Variants in ERC2 observed in about 807,000 individuals in gnomAD.
ERC2 encodes ELKS/RAB6-interacting/CAST family member 2.
A neutral mutation model predicts 114.8 loss-of-function variants in ERC2; 42 were observed. The observed-to-expected ratio is 0.37, with a 90% CI of 0.29 to 0.47. ERC2 has a LOEUF of 0.47. Among genes scored for constraint, ERC2 ranks in the 20% least tolerant of loss-of-function variants. The pLI is 0.99. For synonymous variants in ERC2, 454 were observed against 425.5 expected, an observed-to-expected ratio of 1.07 and a Z score of -0.82; for missense variants, 939 against 1,150.7, an observed-to-expected ratio of 0.82 and a Z score of 2.66.
intron 17 of ERC2, among the ~76,000 whole-genome samples, chr3:55,532,053 C>A (rs1050360519): frequency 9.9e-5 from 15 of 152,222 alleles, no homozygotes; most frequent in African/African-American, 3.6e-4. Context: ...TAGAGCTACA[C>A]AAGATCTTTG....
At chr3:56,023,387 C>G (rs1173694925) in intron 7 of ERC2, among the ~76,000 whole-genome samples, 4 of 152,152 alleles carry the variant, frequency 2.6e-5, no homozygotes, top group Admixed American at 6.5e-5. Flanking sequence ...CAGCCAAGCC[C>G]TGGCCCTGCC....
At chr3:55,858,894 C>G (rs541630085) in intron 14 of ERC2, among the ~76,000 whole-genome samples, 3 of 152,122 alleles carry the variant, frequency 2.0e-5, no homozygotes, top group Non-Finnish European at 2.9e-5. Flanking sequence ...ACCCTGCCAG[C>G]CTTCCCTTAG....
chr3:56,078,730 T>C (rs2077090420), intron 7 of ERC2, among the ~76,000 whole-genome samples: 1 of 152,108 alleles, frequency 6.6e-6, no homozygotes, highest in Non-Finnish European at 1.5e-5. Context: ...TATCCATTCA[T>C]TCAACAAATA....
chr3:55,828,589 TG>T, intron 14 of ERC2, among the ~76,000 whole-genome samples: 1 of 151,988 alleles, frequency 6.6e-6, no homozygotes, highest in East Asian at 1.9e-4. Context: ...AAGTGAATCC[TG>T]GAGGGAAAAG....
chr3:56,197,895 A>G (rs886376686), intron 3 of ERC2, among the ~76,000 whole-genome samples: 2 of 152,242 alleles, frequency 1.3e-5, no homozygotes, highest in African/African-American at 4.8e-5. Context: ...GACATACTCT[A>G]GTTTTGACTT....
chr3:56,451,950 G>A, intron 1 of ERC2, among the ~76,000 whole-genome samples: 1 of 152,186 alleles, frequency 6.6e-6, no homozygotes. Context: ...GGTCTCAGAT[G>A]GAGAGAGTCC....
At chr3:56,010,650 A>T in intron 8 of ERC2, 61 bp from the exon 9 acceptor site, 1 of 1,523,718 alleles carries the variant, frequency 6.6e-7, no homozygotes, top group African/African-American at 1.4e-5. Context: ...GCCAAAGCAT[A>T]CTGTAAAAGA....
intron 14 of ERC2, among the ~76,000 whole-genome samples, chr3:55,853,740 G>A (rs947351807): frequency 3.9e-5 from 6 of 152,040 alleles, no homozygotes; most frequent in Admixed American, 6.6e-5. Context: ...GTATAATGTC[G>A]GCTGCCAGGG....
Position 55,511,208 on chromosome 3 carries a change from C to T in ERC2, c.*108G>A, listed in dbSNP as rs780068464. 1 of 152,562 alleles carries T rather than the reference C, an allele frequency of 6.6e-6. No homozygotes were observed. The allele number at this position is 152,562 out of a possible 1,614,324, so 9.5% of individuals were successfully genotyped here. ...GGTGGTGGTGGACAGTGATGTGAGC[C>T]GCACTGCAATACATTATCAGAATAT... On this transcript the variant is annotated 3_prime_UTR_variant, in exon 18 of 18. Coordinates refer to ENST00000288221, the MANE Select transcript of ERC2 (RefSeq NM_015576.3).
At chr3:56,299,130 TGTTTG>T (rs2055679949) in intron 2 of ERC2, among the ~76,000 whole-genome samples, 9 of 89,030 alleles carry the variant, frequency 1.0e-4, no homozygotes, top group Admixed American at 2.3e-4. Flanking sequence ...TTTTTTTTTT[TGTTTG>T]TTTGTTTTTT....
At chr3:55,956,387 T>A (rs1308101903) in intron 12 of ERC2, among the ~76,000 whole-genome samples, 4 of 152,160 alleles carry the variant, frequency 2.6e-5, no homozygotes, top group African/African-American at 9.7e-5. Context: ...ACAATGCACA[T>A]TGCATGCAGA....
At chr3:55,854,775 G>GAA (rs2061719560) in intron 14 of ERC2, among the ~76,000 whole-genome samples, 1 of 151,814 alleles carries the variant, frequency 6.6e-6, no homozygotes. Context: ...AAACAATTCA[G>GAA]AAACACATTC....
intron 12 of ERC2, among the ~76,000 whole-genome samples, chr3:55,984,291 GA>G (rs113812148): frequency 0.013 from 1,850 of 146,494 alleles, 35 homozygotes; most frequent in African/African-American, 0.043. Flanking sequence ...CATGAAATAG[GA>G]AAAAAAAAAC....
At chr3:56,153,820 G>A (rs191033712) in intron 4 of ERC2, among the ~76,000 whole-genome samples, 20 of 152,210 alleles carry the variant, frequency 1.3e-4, no homozygotes, top group Admixed American at 5.9e-4. Context: ...TTTAAATACC[G>A]TGAGAATTAC....
chr3:56,371,784 A>G (rs2059372066), intron 2 of ERC2, among the ~76,000 whole-genome samples: 1 of 152,252 alleles, frequency 6.6e-6, no homozygotes, highest in African/African-American at 2.4e-5. Context: ...GACCTATGTC[A>G]GGGCATAGCC....
At chr3:55,945,797 G>A (rs939005421) in intron 13 of ERC2, among the ~76,000 whole-genome samples, 1 of 152,126 alleles carries the variant, frequency 6.6e-6, no homozygotes, top group African/African-American at 2.4e-5. Flanking sequence ...ACCACGGGCA[G>A]AGAAGAAACT....
At chr3:56,228,187 G>A (rs891314356) in intron 3 of ERC2, among the ~76,000 whole-genome samples, 1 of 151,950 alleles carries the variant, frequency 6.6e-6, no homozygotes, top group South Asian at 2.1e-4. Context: ...TTTTTTATTC[G>A]TCATTTCTAA....
At chr3:55,712,806 C>T in intron 15 of ERC2, among the ~76,000 whole-genome samples, 1 of 152,128 alleles carries the variant, frequency 6.6e-6, no homozygotes, top group East Asian at 1.9e-4. Context: ...TACAGTTATG[C>T]CCATTATCTA....
intron 6 of ERC2, among the ~76,000 whole-genome samples, chr3:56,125,508 G>A (rs893165161): frequency 1.2e-4 from 18 of 152,120 alleles, no homozygotes; most frequent in African/African-American, 4.3e-4. Context: ...TAAATGGAGT[G>A]AGTCATCAGC....
Sources: gnomAD v4.1 joint callset for allele counts (sites outside exome capture counted in the v4.1 genomes callset) on GRCh38, gnomAD v4.1.1 for gene constraint, MANE v1.5 for transcripts, NCBI Gene and HGNC (gene_info 2026-07-23, HGNC 2026-07-21) for gene names.